LRMDA: variants seen among roughly 807,000 people sequenced by gnomAD.
LRMDA encodes the protein leucine-rich melanocyte differentiation-associated protein.
LRMDA carries 18 observed loss-of-function variants against 29.8 expected under a neutral mutation model. That is an observed-to-expected ratio of 0.60 (90% CI 0.42 to 0.90). The LOEUF is 0.90. Among genes scored for constraint, LRMDA ranks in the 40% least tolerant of loss-of-function variants. The probability of loss-of-function intolerance (pLI) is 0.00; values close to 1 mark genes in which losing one functional copy is unlikely to be tolerated. For synonymous variants in LRMDA, 125 were observed against 109.4 expected (o/e 1.14, Z -0.89); for missense variants, 273 against 273.9 (o/e 1.00, Z 0.02).
intron 2 of LRMDA, among the ~76,000 whole-genome samples, chr10:75,499,986 C>G (rs965027912): frequency 3.9e-5 from 6 of 152,166 alleles, no homozygotes; most frequent in African/African-American, 1.4e-4. Flanking sequence ...ACCTCATTTC[C>G]TCATCGGTTG....
intron 5 of LRMDA, among the ~76,000 whole-genome samples, chr10:76,262,578 G>A (rs1312444526): frequency 6.6e-6 from 1 of 152,186 alleles, no homozygotes; most frequent in African/African-American, 2.4e-5. Flanking sequence ...TGGCATATAT[G>A]TGTTCGGCAC....
intron 2 of LRMDA, among the ~76,000 whole-genome samples, chr10:75,493,025 G>C (rs1845005528): frequency 6.6e-6 from 1 of 152,118 alleles, no homozygotes; most frequent in African/African-American, 2.4e-5. Flanking sequence ...CTCGGTAAAA[G>C]AAAATCTGAA....
At chr10:76,082,623 G>C (rs12098427) in intron 5 of LRMDA, among the ~76,000 whole-genome samples, 9,124 of 151,978 alleles carry the variant, frequency 0.06, 719 homozygotes, top group African/African-American at 0.18. Flanking sequence ...TCAGAGAAAT[G>C]TAAATTAATA....
intron 2 of LRMDA, among the ~76,000 whole-genome samples, chr10:75,800,382 C>A (rs952742718): frequency 4.6e-5 from 7 of 150,944 alleles, no homozygotes; most frequent in Middle Eastern, 6.9e-3. Context: ...TAAATGCATC[C>A]TTGTTGATTG....
At chr10:75,537,232 G>T (rs1839960508) in intron 2 of LRMDA, among the ~76,000 whole-genome samples, 3 of 152,138 alleles carry the variant, frequency 2.0e-5, no homozygotes, top group African/African-American at 7.2e-5. Flanking sequence ...ATTATAACGT[G>T]CAACCGCTGA....
chr10:76,249,621 C>T (rs754947573), intron 5 of LRMDA, among the ~76,000 whole-genome samples: 23 of 152,272 alleles, frequency 1.5e-4, no homozygotes, highest in South Asian at 4.1e-4. Flanking sequence ...CACCTTCTGA[C>T]AAGTTTTAAA....
intron 2 of LRMDA, among the ~76,000 whole-genome samples, chr10:75,851,003 T>G (rs1564586050): frequency 6.6e-6 from 1 of 152,192 alleles, no homozygotes; most frequent in Non-Finnish European, 1.5e-5. Context: ...TAAAAAAAAT[T>G]GTTTTTTTAA....
intron 6 of LRMDA, among the ~76,000 whole-genome samples, chr10:76,363,155 A>AGGGAGGG (rs1841335006): frequency 2.5e-5 from 1 of 40,560 alleles, no homozygotes; most frequent in Non-Finnish European, 5.2e-5. Context: ...GAAAGAAAGA[A>AGGGAGGG]AGAAAGAAAG....
intron 2 of LRMDA, among the ~76,000 whole-genome samples, chr10:76,030,725 G>T (rs1234762337): frequency 6.6e-6 from 1 of 152,198 alleles, no homozygotes; most frequent in Non-Finnish European, 1.5e-5. Context: ...GGAGGCGGAG[G>T]TTGCAGTGAG....
chr10:76,247,855 G>C (rs1852403785), intron 5 of LRMDA, among the ~76,000 whole-genome samples: 2 of 152,140 alleles, frequency 1.3e-5, no homozygotes, highest in South Asian at 4.1e-4. Flanking sequence ...GTGCCTTCCG[G>C]AGGTTGAGAA....
At chr10:76,371,574 C>G (rs188757411) in intron 6 of LRMDA, among the ~76,000 whole-genome samples, 2 of 152,188 alleles carry the variant, frequency 1.3e-5, no homozygotes, top group African/African-American at 4.8e-5. Flanking sequence ...GTTGGTTATG[C>G]TATAAATAAG....
At chr10:75,796,641 C>T (rs749731382) in intron 2 of LRMDA, among the ~76,000 whole-genome samples, 11 of 152,258 alleles carry the variant, frequency 7.2e-5, no homozygotes, top group South Asian at 6.2e-4. Context: ...GGTGTGAACT[C>T]GGCTCACTGC....
At chr10:76,091,278 T>C (rs1849227603) in intron 5 of LRMDA, among the ~76,000 whole-genome samples, 1 of 28,806 alleles carries the variant, frequency 3.5e-5, no homozygotes, top group Admixed American at 2.5e-4. Flanking sequence ...ATGGTGGACG[T>C]GTGTGTGTGT....
At chr10:75,919,826 C>A (rs1158862378) in intron 2 of LRMDA, among the ~76,000 whole-genome samples, 1 of 152,154 alleles carries the variant, frequency 6.6e-6, no homozygotes, top group Non-Finnish European at 1.5e-5. Context: ...AGCCCTGTGG[C>A]TTTTGAGAAA....
At chr10:75,959,325 T>G (rs1846720801) in intron 2 of LRMDA, among the ~76,000 whole-genome samples, 1 of 152,306 alleles carries the variant, frequency 6.6e-6, no homozygotes, top group African/African-American at 2.4e-5. Flanking sequence ...AGCACCACCT[T>G]GGCCTTCCTC....
rs528135084 is a variant in LRMDA, at chr10:75,917,982, C to T, written c.132-118026C>T. Among the ~76,000 whole-genome samples, 52 of 152,124 alleles carry T rather than the reference C, an allele frequency of 3.4e-4. 1 individual carries two copies. In the East Asian group the frequency reaches 4.8e-3, roughly 14 times the overall value. On this transcript the variant is annotated intron_variant, in intron 2 of 6. Transcript: ENST00000611255. ...GTGCGCACACACACACACACACACA[C>T]ACAGGCCTGGCACTGGCCATGCCCA...
At chr10:76,410,365 G>T (rs1841947337) in intron 6 of LRMDA, among the ~76,000 whole-genome samples, 1 of 128,584 alleles carries the variant, frequency 7.8e-6, no homozygotes. Context: ...CTGGAGTGCA[G>T]TGGTGCAACC....
At chr10:76,247,933 T>A (rs1369312970) in intron 5 of LRMDA, among the ~76,000 whole-genome samples, 1 of 152,154 alleles carries the variant, frequency 6.6e-6, no homozygotes, top group Admixed American at 6.5e-5. Context: ...ACCTGCATTT[T>A]TGCTAAAAAG....
At chr10:76,286,994 T>C (rs1379732425) in intron 5 of LRMDA, among the ~76,000 whole-genome samples, 3 of 152,160 alleles carry the variant, frequency 2.0e-5, no homozygotes, top group East Asian at 3.9e-4. Flanking sequence ...AACTTTATTA[T>C]TATGTCCTCT....
Sources: allele counts gnomAD v4.1 joint callset (sites outside exome capture counted in the v4.1 genomes callset), GRCh38; gene constraint gnomAD v4.1.1; transcripts MANE v1.5; gene names NCBI Gene and HGNC (gene_info 2026-07-23, HGNC 2026-07-21).